Variants in AUTS2 observed in about 807,000 individuals in gnomAD.
The protein encoded by AUTS2 is activator of transcription and developmental regulator AUTS2, also known as autism susceptibility gene 2 protein.
Under a neutral mutation model 112.4 loss-of-function variants are expected in AUTS2, and 17 were observed. That is an observed-to-expected ratio of 0.15 (90% CI 0.10 to 0.23). The LOEUF (loss-of-function observed/expected upper bound fraction) is 0.23, where lower values mean the gene tolerates loss of function less well. Ranked by LOEUF, AUTS2 falls within the 10% of genes least tolerant of loss-of-function variation. The pLI, the probability that AUTS2 is intolerant of heterozygous loss-of-function variation, is 1.00. For synonymous variants in AUTS2, 751 were observed against 702.7 expected, an observed-to-expected ratio of 1.07 and a Z score of -1.09; for missense variants, 1,510 against 1,701.6, an observed-to-expected ratio of 0.89 and a Z score of 1.98.
chr7:70,743,935 A>T (rs1343179595), intron 6 of AUTS2, among the ~76,000 whole-genome samples: 2 of 152,168 alleles, frequency 1.3e-5, no homozygotes, highest in Non-Finnish European at 2.9e-5. Flanking sequence ...CATTTTCAAA[A>T]AGCAGGAAGG....
intron 1 of AUTS2, among the ~76,000 whole-genome samples, chr7:69,669,319 G>A (rs1407681562): frequency 2.6e-5 from 4 of 151,836 alleles, no homozygotes; most frequent in Non-Finnish European, 5.9e-5. Context: ...TTTTAAGAAT[G>A]CATACATGTA....
intron 1 of AUTS2, among the ~76,000 whole-genome samples, chr7:69,707,390 T>C (rs574187049): frequency 6.6e-6 from 1 of 152,320 alleles, no homozygotes; most frequent in South Asian, 2.1e-4. Context: ...CCTAGCTTAT[T>C]ACAGAACTCA....
intron 2 of AUTS2, among the ~76,000 whole-genome samples, chr7:70,117,127 G>GTTTT (rs1491008028): frequency 1.6e-5 from 1 of 62,770 alleles, no homozygotes; most frequent in Non-Finnish European, 3.2e-5. Context: ...GTTTTTTTTT[G>GTTTT]TTTTTTTTTG....
chr7:70,421,596 C>T (rs1026272925), intron 4 of AUTS2, among the ~76,000 whole-genome samples: 9 of 152,190 alleles, frequency 5.9e-5, no homozygotes, highest in African/African-American at 1.9e-4. Flanking sequence ...TTTCTCCACC[C>T]GCATTTGAAT....
chr7:70,291,196 A>G (rs939473516), intron 4 of AUTS2: 2 of 152,182 alleles, frequency 1.3e-5, no homozygotes, highest in African/African-American at 4.8e-5. Context: ...GGCCTGCTTT[A>G]ACTTTTGTAG....
chr7:69,809,645 C>G (rs940690309), intron 1 of AUTS2, among the ~76,000 whole-genome samples: 2 of 152,050 alleles, frequency 1.3e-5, no homozygotes, highest in Non-Finnish European at 2.9e-5. Context: ...GGATAAAACC[C>G]TAGAGAGAGA....
At chr7:69,923,978 C>T (rs546553409) in intron 2 of AUTS2, among the ~76,000 whole-genome samples, 1 of 152,266 alleles carries the variant, frequency 6.6e-6, no homozygotes, top group African/African-American at 2.4e-5. Context: ...CTTACAGGAT[C>T]ATGTTTAATA....
intron 5 of AUTS2, among the ~76,000 whole-genome samples, chr7:70,609,585 T>G (rs535832102): frequency 2.9e-4 from 42 of 145,008 alleles, no homozygotes; most frequent in African/African-American, 8.1e-4. Context: ...GTTTTGTTTT[T>G]TTTTTTTGTT....
Position 70,694,123 on chromosome 7 carries a change from G to T in AUTS2, c.691-4446G>T, listed in dbSNP as rs898923092. 2.0e-5 allele frequency: 3 copies of T among 151,436 alleles called. No individual in the cohort carries two copies. The highest frequency in any genetic ancestry group is 4.4e-5 in the Non-Finnish European group (3 of 67,796). The allele number at this position is 151,436 out of a possible 1,614,324, so 9.4% of individuals were successfully genotyped here. A position where few individuals can be genotyped will look rare whatever the true frequency, so the allele number is the denominator to read the frequency against. ...GAAGTCCGGAGCAAGGGGCCCCCGCGTAGCCGCCGCCCCCTCCTGCTACCG... is the reference window on the plus strand; with the variant it reads ...GAAGTCCGGAGCAAGGGGCCCCCGCTTAGCCGCCGCCCCCTCCTGCTACCG... On this transcript the variant is annotated intron_variant, in intron 5 of 18. Transcript: ENST00000342771. The surrounding 1 kb of genome is among the most constrained non-coding windows in gnomAD (Gnocchi z 4.1).
intron 5 of AUTS2, among the ~76,000 whole-genome samples, chr7:70,595,736 G>A (rs1803164878): frequency 6.6e-6 from 1 of 152,232 alleles, no homozygotes; most frequent in Admixed American, 6.5e-5. Context: ...GGCTGTAAAT[G>A]GCTTGAGCCC....
chr7:70,221,124 T>C (rs976637383), intron 4 of AUTS2, among the ~76,000 whole-genome samples: 5 of 152,174 alleles, frequency 3.3e-5, no homozygotes, highest in African/African-American at 1.2e-4. Flanking sequence ...CCCAGAGTGG[T>C]CTCAAACTCC....
At chr7:70,219,791 C>G (rs1811379959) in intron 4 of AUTS2, among the ~76,000 whole-genome samples, 1 of 152,114 alleles carries the variant, frequency 6.6e-6, no homozygotes, top group African/African-American at 2.4e-5. Flanking sequence ...AGGCTGATCT[C>G]GAACTCCTGA....
At chr7:69,666,601 G>A (rs1232015492) in intron 1 of AUTS2, among the ~76,000 whole-genome samples, 4 of 152,202 alleles carry the variant, frequency 2.6e-5, no homozygotes, top group South Asian at 2.1e-4. Flanking sequence ...GGAATCATGC[G>A]TATGGTTCCT....
At chr7:70,447,482 T>G (rs1049591501) in intron 5 of AUTS2, among the ~76,000 whole-genome samples, 1 of 152,222 alleles carries the variant, frequency 6.6e-6, no homozygotes, top group African/African-American at 2.4e-5. Flanking sequence ...TAGTCTTCAG[T>G]ACAATCCTAA....
intron 5 of AUTS2, among the ~76,000 whole-genome samples, chr7:70,582,950 C>A (rs528486791): frequency 3.9e-5 from 6 of 152,324 alleles, no homozygotes; most frequent in African/African-American, 1.4e-4. Context: ...CTTTTCCCCC[C>A]AAACTTCTTT....
rs540498454 is a variant in AUTS2 at position 70,096,798 on chromosome 7, C to T, written c.523-21334C>T. On this transcript the variant is annotated intron_variant, in intron 2 of 18. Transcript: ENST00000342771. ...CTGAGTTCAAGTACGATATAGAAAT[C>T]ATCATATCTTTTCTCTAGCAAGTGT... 2.6e-5 allele frequency among the ~76,000 whole-genome samples: 4 copies of T among 152,124 alleles called. No homozygotes were observed. In the South Asian group the frequency reaches 8.3e-4, roughly 32 times the overall value.
At chr7:69,816,331 A>G (rs554789154) in intron 1 of AUTS2, among the ~76,000 whole-genome samples, 9 of 152,346 alleles carry the variant, frequency 5.9e-5, no homozygotes, top group Middle Eastern at 3.4e-3. Flanking sequence ...AGATTGAATC[A>G]GTTGGGGTTA....
intron 4 of AUTS2, among the ~76,000 whole-genome samples, chr7:70,392,440 G>A (rs981312012): frequency 6.6e-6 from 1 of 152,156 alleles, no homozygotes; most frequent in Non-Finnish European, 1.5e-5. Flanking sequence ...ATAGAAGGTC[G>A]TTACCAGGAA....
At chr7:70,598,949 C>A (rs1803334777) in intron 5 of AUTS2, among the ~76,000 whole-genome samples, 1 of 152,184 alleles carries the variant, frequency 6.6e-6, no homozygotes, top group Non-Finnish European at 1.5e-5. Flanking sequence ...CACTTGGAAA[C>A]AAGACATGAA....
Sources: allele counts gnomAD v4.1 joint callset (sites outside exome capture counted in the v4.1 genomes callset), GRCh38; gene constraint gnomAD v4.1.1; non-coding constraint Gnocchi (gnomAD v3.1); transcripts MANE v1.5; gene names NCBI Gene and HGNC (gene_info 2026-07-23, HGNC 2026-07-21).